Variants in CIMIP2B observed in about 807,000 individuals in gnomAD.
The protein encoded by CIMIP2B is ciliary microtubule inner protein 2B.
At chr9:35,562,202 A>G in the CIMIP2B span, 2 of 1,043,456 alleles carry the variant, frequency 1.9e-6, no homozygotes, top group Non-Finnish European at 1.4e-6. Context: ...ATCTGGCCCT[A>G]ATTCCCCACT....
At chr9:35,562,568 G>A in the CIMIP2B span, 1 of 1,599,274 alleles carries the variant, frequency 6.3e-7, no homozygotes, top group South Asian at 1.1e-5. Flanking sequence ...CACATAGCCA[G>A]TGAAGCCTGA....
chr9:35,562,363 C>T, the CIMIP2B span: 1 of 1,454,650 alleles, frequency 6.9e-7, no homozygotes. Flanking sequence ...CAAAGCCTCC[C>T]CGGGGGCTCT....
chr9:35,562,017 A>G, the CIMIP2B span: 2 of 1,507,900 alleles, frequency 1.3e-6, no homozygotes, highest in Non-Finnish European at 1.8e-6. Context: ...CTAAGCCAAG[A>G]GCTGCTTCTG....
the CIMIP2B span, chr9:35,563,292 G>A: frequency 6.2e-7 from 1 of 1,613,948 alleles, no homozygotes; most frequent in Middle Eastern, 1.6e-4. Context: ...TGGACAGGGG[G>A]CCAGGCTAGG....
the CIMIP2B span, chr9:35,563,333 AC>A: frequency 1.2e-6 from 2 of 1,613,808 alleles, no homozygotes; most frequent in African/African-American, 1.3e-5. Context: ...CTGACCAGTC[AC>A]CTGCCCATAG....
At chr9:35,563,256 G>A in the CIMIP2B span, 1 of 1,613,882 alleles carries the variant, frequency 6.2e-7, no homozygotes, top group African/African-American at 1.3e-5. Flanking sequence ...GATCTTGGAG[G>A]CCGAATGGGA....
At chr9:35,561,935 AC>A in the CIMIP2B span, 2 of 149,856 alleles carry the variant, frequency 1.3e-5, no homozygotes, top group South Asian at 3.9e-5. Flanking sequence ...CCACCCTCCC[AC>A]CCACCTCTCT....
the CIMIP2B span, chr9:35,563,229 C>G: frequency 6.2e-7 from 1 of 1,613,990 alleles, no homozygotes. Flanking sequence ...GGTAGACTCT[C>G]CCTGGGAACC....
the CIMIP2B span, chr9:35,562,989 C>G: frequency 6.2e-7 from 1 of 1,614,018 alleles, no homozygotes; most frequent in Non-Finnish European, 8.5e-7. Flanking sequence ...CACTCCCTTG[C>G]TTTTCATGCA....
At chr9:35,562,328 CCATACAAA>C in the CIMIP2B span, 1 of 1,296,192 alleles carries the variant, frequency 7.7e-7, no homozygotes, top group Non-Finnish European at 1.0e-6. Flanking sequence ...CACCCCATAC[CCATACAAA>C]CAAACATTCC....
chr9:35,563,819 C>T, the CIMIP2B span: 3 of 1,613,968 alleles, frequency 1.9e-6, no homozygotes, highest in Non-Finnish European at 1.7e-6. Flanking sequence ...AAGGTGCTGG[C>T]CACAGCCATG....
chr9:35,562,599 G>A, the CIMIP2B span: 1 of 1,609,346 alleles, frequency 6.2e-7, no homozygotes, highest in Non-Finnish European at 8.5e-7. Flanking sequence ...ACTGAGCCAA[G>A]GCATCCTGGG....
chr9:35,563,462 T>G, the CIMIP2B span: 1 of 1,180,470 alleles, frequency 8.5e-7, no homozygotes, highest in Non-Finnish European at 1.2e-6. Context: ...CGGAGACCTC[T>G]GAAGCCCTGA....
chr9:35,562,297 A>AC, the CIMIP2B span: 6 of 1,227,154 alleles, frequency 4.9e-6, no homozygotes, highest in Non-Finnish European at 6.7e-6. Context: ...ATTAGTTTCA[A>AC]CCCCCACAAA....
At chr9:35,563,686 C>T in the CIMIP2B span, 31 of 1,361,562 alleles carry the variant, frequency 2.3e-5, no homozygotes, top group African/African-American at 4.0e-4. Flanking sequence ...CCGCTTGGCC[C>T]CATGCTCTAA....
At chr9:35,563,000 AG>A in the CIMIP2B span, 2 of 1,613,918 alleles carry the variant, frequency 1.2e-6, no homozygotes, top group Non-Finnish European at 1.7e-6. Context: ...TTTTCATGCA[AG>A]TGAGTAAAGT....
the CIMIP2B span, chr9:35,562,085 G>C: frequency 2.0e-6 from 3 of 1,534,350 alleles, no homozygotes; most frequent in Non-Finnish European, 8.7e-7. Context: ...GGCCAAACTG[G>C]AACTTATACC....
chr9:35,562,633 A>T, the CIMIP2B span: 1 of 1,612,092 alleles, frequency 6.2e-7, no homozygotes, highest in Non-Finnish European at 8.5e-7. Flanking sequence ...TCTGATCCTG[A>T]CCCCCCAGCT....
At chr9:35,562,886 C>A in the CIMIP2B span, 1 of 1,614,044 alleles carries the variant, frequency 6.2e-7, no homozygotes, top group Non-Finnish European at 8.5e-7. Context: ...TGTTCCACCA[C>A]CTCCAGTGTC....
Sources: gnomAD v4.1 joint callset for allele counts on GRCh38, gnomAD v4.1.1 for gene constraint, MANE v1.5 for transcripts, NCBI Gene and HGNC (gene_info 2026-07-23, HGNC 2026-07-21) for gene names.